BTBD7: variants seen among roughly 807,000 people sequenced by gnomAD.
BTBD7 encodes BTB/POZ domain-containing protein 7.
In BTBD7, 38 loss-of-function variants were observed where a neutral mutation model predicts 99.9. That is an observed-to-expected ratio of 0.38 (90% CI 0.29 to 0.50). The LOEUF (loss-of-function observed/expected upper bound fraction) is 0.50. BTBD7 is among the 20% of genes least tolerant of loss of function. The pLI is 0.93. For synonymous variants in BTBD7, 520 were observed against 511.4 expected, an observed-to-expected ratio of 1.02 and a Z score of -0.23; for missense variants, 1,170 against 1,394.6, an observed-to-expected ratio of 0.84 and a Z score of 2.57.
intron 1 of BTBD7, among the ~76,000 whole-genome samples, chr14:93,323,327 C>A (rs169523): frequency 6.6e-6 from 1 of 152,132 alleles, no homozygotes; most frequent in Non-Finnish European, 1.5e-5. Flanking sequence ...GAAATATATA[C>A]AGTTAGTAAA....
intron 5 of BTBD7, 25 bp downstream of exon 5, chr14:93,261,577 G>C (rs1436477400): frequency 1.9e-6 from 3 of 1,570,922 alleles, no homozygotes; most frequent in Non-Finnish European, 2.6e-6. Context: ...AAGGTAACTA[G>C]TGCAAGCTAA....
At position 93,245,989 on chromosome 14, in the gene BTBD7, C is replaced by A; in HGVS notation, c.2419G>T (p.Ala807Ser). 4 of 1,614,072 alleles carry A rather than the reference C, an allele frequency of 2.5e-6. No individual in the cohort carries two copies. Among genetic ancestry groups the A allele is most frequent in the Non-Finnish European group, 3.4e-6 (4 of 1,180,030 alleles). ...CNHSLFHSRT[A>S]PKAGPPPVYL... Reference sequence around the variant, plus strand: ...ACTGGGGGAGGGCCAGCTTTAGGAGCTGTTCTGGAGTGGAACAGCGAATGA... The same window carrying A: ...ACTGGGGGAGGGCCAGCTTTAGGAGATGTTCTGGAGTGGAACAGCGAATGA... Residue 807 changes from alanine to serine, a missense_variant, in exon 10 of 11, where the codon GCT becomes TCT. Physicochemically the swap from Ala to Ser is moderately conservative, Grantham distance 99. Coordinates refer to ENST00000334746, the MANE Select transcript of BTBD7 (RefSeq NM_001002860.4).
intron 4 of BTBD7, 22 bp from the exon 5 acceptor site, chr14:93,261,699 A>G: frequency 6.4e-7 from 1 of 1,560,214 alleles, no homozygotes; most frequent in Non-Finnish European, 8.8e-7. Flanking sequence ...AATGGTTTAT[A>G]TTTATTTTAG....
At chr14:93,279,424 T>G (rs1248986839) in intron 3 of BTBD7, among the ~76,000 whole-genome samples, 3 of 152,244 alleles carry the variant, frequency 2.0e-5, no homozygotes, top group Non-Finnish European at 4.4e-5. Flanking sequence ...TATGTCCTCC[T>G]GCCCTCCCCT....
intron 1 of BTBD7, among the ~76,000 whole-genome samples, chr14:93,304,413 G>C (rs563451495): frequency 1.3e-5 from 2 of 152,186 alleles, no homozygotes; most frequent in Non-Finnish European, 2.9e-5. Flanking sequence ...GTGCAGTGGC[G>C]CAATCTTGGC....
chr14:93,297,120 C>A (rs998902097), intron 1 of BTBD7, among the ~76,000 whole-genome samples: 2 of 152,138 alleles, frequency 1.3e-5, no homozygotes, highest in African/African-American at 4.8e-5. Flanking sequence ...TTAACCTAGC[C>A]TCACAATGAA....
intron 1 of BTBD7, among the ~76,000 whole-genome samples, chr14:93,312,812 G>T (rs1032856856): frequency 6.6e-6 from 1 of 152,014 alleles, no homozygotes; most frequent in Admixed American, 6.6e-5. Context: ...CAGTTCTCCC[G>T]TCCAGCCCAC....
chr14:93,299,407 G>A (rs774619619), intron 1 of BTBD7, among the ~76,000 whole-genome samples: 41 of 152,160 alleles, frequency 2.7e-4, no homozygotes, highest in Non-Finnish European at 5.4e-4. Flanking sequence ...TTCTCTCCAG[G>A]CAAGCCTGGT....
At chr14:93,313,359 C>T (rs1049354859) in intron 1 of BTBD7, among the ~76,000 whole-genome samples, 1 of 152,162 alleles carries the variant, frequency 6.6e-6, no homozygotes, top group Admixed American at 6.5e-5. Flanking sequence ...AATTCCATTG[C>T]ATTACTGCAA....
Position 93,248,652 on chromosome 14 carries a change from G to A in BTBD7, c.1945C>T (p.Pro649Ser). ...PSVVANEIPV[P>S]RLLIMKDMVR... ...ATGTCTTTCATAATGAGGAGACGAG[G>A]AACTGGAAGGAGAACAACAGTGGGC... Residue 649 changes from proline to serine, a missense_variant and splice_region_variant, in exon 9 of 11, where the codon CCT becomes TCT. By Grantham distance (74) the Pro-to-Ser change is moderately conservative. Transcript: ENST00000334746. The A allele has an allele frequency of 6.2e-7, 1 of 1,602,030 alleles. No individual in the cohort carries two copies. Among genetic ancestry groups the A allele is most frequent in the South Asian group, 1.1e-5 (1 of 89,772 alleles).
chr14:93,298,495 T>C (rs2052956518), intron 1 of BTBD7, among the ~76,000 whole-genome samples: 1 of 152,140 alleles, frequency 6.6e-6, no homozygotes, highest in Non-Finnish European at 1.5e-5. Context: ...GTGTATAAAG[T>C]GTGTATCAAA....
At chr14:93,255,738 C>T (rs1272472010) in intron 6 of BTBD7, 1 of 152,196 alleles carries the variant, frequency 6.6e-6, no homozygotes, top group Non-Finnish European at 1.5e-5. Flanking sequence ...TCAGGTGATC[C>T]ACCTGCCTTG....
chr14:93,278,914 G>A (rs913330061), intron 3 of BTBD7, among the ~76,000 whole-genome samples: 3 of 152,144 alleles, frequency 2.0e-5, no homozygotes, highest in South Asian at 2.1e-4. Flanking sequence ...AGAGGACAAC[G>A]TGAGTAAAGT....
At chr14:93,265,456 CAT>C (rs1422153512) in intron 3 of BTBD7, among the ~76,000 whole-genome samples, 1 of 152,232 alleles carries the variant, frequency 6.6e-6, no homozygotes, top group African/African-American at 2.4e-5. Context: ...CCTTCTCGCA[CAT>C]GTGCTAAACC....
At chr14:93,322,104 AT>A (rs1399045778) in intron 1 of BTBD7, among the ~76,000 whole-genome samples, 4 of 152,184 alleles carry the variant, frequency 2.6e-5, no homozygotes, top group Non-Finnish European at 5.9e-5. Flanking sequence ...TTTTAAAAAA[AT>A]ATGCTATTGC....
intron 8 of BTBD7, among the ~76,000 whole-genome samples, 153 bp from the exon 9 acceptor site, chr14:93,248,807 A>G (rs2052341441): frequency 6.6e-6 from 1 of 152,190 alleles, no homozygotes; most frequent in Non-Finnish European, 1.5e-5. Context: ...TCATTTATAT[A>G]TCTCTAATTA....
At position 93,239,879 on chromosome 14, in the gene BTBD7, G is replaced by C. The variant is rs2052203145; in HGVS notation, c.*2394C>G. ...ACAGCTCTGGTCTAACATTTGCGGG[G>C]GGGGAAGGGTCAGGGATGAGAGTTT... is the stretch of plus-strand genomic sequence containing the variant. On this transcript the variant is annotated 3_prime_UTR_variant, in exon 11 of 11. Coordinates refer to ENST00000334746, the MANE Select transcript of BTBD7 (RefSeq NM_001002860.4). 2 of 152,382 alleles carry C rather than the reference G, an allele frequency of 1.3e-5. No individual in the cohort carries two copies. The highest frequency in any genetic ancestry group is 6.5e-5 in the Admixed American group (1 of 15,274). The allele number at this position is 152,382 out of a possible 1,614,324, so 9.4% of individuals were successfully genotyped here. A position where few individuals can be genotyped will look rare whatever the true frequency, so the allele number is the denominator to read the frequency against.
At position 93,290,294 on chromosome 14, in the gene BTBD7, G is replaced by A. The variant is rs188763019; in HGVS notation, c.1162+3564C>T. On this transcript the variant is annotated intron_variant, in intron 3 of 10. Transcript: ENST00000334746. ...GTGGTGCGATCTCAGCTCACTGCAA[G>A]CTTCGCCTCCTGGGTTCACGCCATT... Among the ~76,000 whole-genome samples the A allele has an allele frequency of 3.5e-3, 526 of 149,138 alleles. 1 individual carries two copies. The highest frequency in any genetic ancestry group is 0.012 in the African/African-American group (498 of 40,524).
Position 93,304,185 on chromosome 14 carries a change from T to C in BTBD7, c.-106-8028A>G, listed in dbSNP as rs77792017. ...ATTTGGAGCCTCTGTGTTTACGATA[T>C]GGAAAACTAGCACTGAGCCCGGCAC... On this transcript the variant is annotated intron_variant, in intron 1 of 10. Coordinates refer to ENST00000334746, the MANE Select transcript of BTBD7 (RefSeq NM_001002860.4). Among the ~76,000 whole-genome samples the C allele has an allele frequency of 3.7e-3, 559 of 152,296 alleles. 12 individuals are homozygous for C. The South Asian group carries it at 0.052, about 14-fold the overall frequency.
Sources: allele counts gnomAD v4.1 joint callset (sites outside exome capture counted in the v4.1 genomes callset), GRCh38; gene constraint gnomAD v4.1.1; transcripts MANE v1.5; gene names NCBI Gene and HGNC (gene_info 2026-07-23, HGNC 2026-07-21).